The following TOP3A variants were observed in gnomAD, a reference collection of about 807,000 sequenced individuals.
TOP3A encodes DNA topoisomerase III alpha.
TOP3A carries 64 observed loss-of-function variants against 111.3 expected under a neutral mutation model. The ratio of observed to expected loss-of-function variants is 0.57; its 90% CI spans 0.47 to 0.71. The LOEUF (loss-of-function observed/expected upper bound fraction) is 0.71. TOP3A is among the 30% of genes least tolerant of loss of function. TOP3A has a pLI of 0.00. For missense variants in TOP3A, 1,104 were observed against 1,285.0 expected (o/e 0.86, Z 2.15); for synonymous variants, 484 against 485.1 (o/e 1.00, Z 0.03).
intron 9 of TOP3A, among the ~76,000 whole-genome samples, chr17:18,295,055 C>T (rs530985934): frequency 1.3e-5 from 2 of 152,216 alleles, no homozygotes; most frequent in African/African-American, 2.4e-5. Context: ...TGCTATGTTG[C>T]GCAGGCTGAT....
rs540511606 is a variant in TOP3A at position 18,298,327 on chromosome 17, G to C, written c.990+1232C>G. 5.5e-3 allele frequency among the ~76,000 whole-genome samples: 823 copies of C among 150,750 alleles called. 1 individual carries two copies. The highest frequency in any genetic ancestry group is 9.8e-3 in the Non-Finnish European group (664 of 67,812). ...CCCAGCAGCCACCTCGTCCGGCAGG[G>C]AGGTGGGAGGGTCAGCCCCCCGCCC... On this transcript the variant is annotated intron_variant, in intron 9 of 18. Coordinates refer to ENST00000321105, the MANE Select transcript of TOP3A (RefSeq NM_004618.5).
Position 18,277,768 on chromosome 17 carries a change from C to T in TOP3A, c.2734G>A (p.Gly912Arg). 2 of 1,614,242 alleles carry T rather than the reference C, an allele frequency of 1.2e-6. No individual in the cohort carries two copies. Among genetic ancestry groups the T allele is most frequent in the Non-Finnish European group, 1.7e-6 (2 of 1,180,048 alleles). ...TGGAACTGGCGCCCCTTGTTGGGTCCATCCTTCTGCACAGTCCGTGTGACG... is the reference window on the plus strand; with the variant it reads ...TGGAACTGGCGCCCCTTGTTGGGTCTATCCTTCTGCACAGTCCGTGTGACG... ...PSVTRTVQKD[G>R]PNKGRQFHTC... Residue 912 changes from glycine to arginine, a missense_variant, in exon 18 of 19, where the codon GGA becomes AGA. Transcript: ENST00000321105.
Position 18,278,290 on chromosome 17 carries a change from C to A in TOP3A, c.2212G>T (p.Gly738Cys). ...TMPLEFVCCI[G>C]GCDDTLREIL... ...TCCCTCAGGGTGTCGTCGCATCCGC[C>A]GATGCAGCAAACAAACTCCAGAGGC... The change falls in exon 18 of 19, where the codon GGC (glycine) becomes TGC (cysteine). Residue 738 changes from glycine (G) to cysteine (C), a missense_variant. By Grantham distance (159) the Gly-to-Cys change is radical. Coordinates refer to ENST00000321105, the MANE Select transcript of TOP3A (RefSeq NM_004618.5). 1 of 1,525,414 alleles carries A rather than the reference C, an allele frequency of 6.6e-7. No homozygotes were observed. Among genetic ancestry groups the A allele is most frequent in the Non-Finnish European group, 8.8e-7 (1 of 1,136,756 alleles). The allele number at this position is 1,525,414 out of a possible 1,614,324, so 94.5% of individuals were successfully genotyped here. A position where few individuals can be genotyped will look rare whatever the true frequency, so the allele number is the denominator to read the frequency against.
In TOP3A at chr17:18,277,883, G is replaced by C; in HGVS notation, c.2619C>G (p.Cys873Trp). The C allele has an allele frequency of 3.1e-6, 5 of 1,613,952 alleles. No homozygotes were observed. The highest frequency in any genetic ancestry group is 4.2e-6 in the Non-Finnish European group (5 of 1,179,968). ...AYRPLGASLG[C>W]PPGPGIHLGG... ...CTAGGTGGATCCCTGGGCCTGGTGG[G>C]CATCCCAGGGAGGCGCCCAGGGGTC... Residue 873 changes from cysteine to tryptophan, a missense_variant, in exon 18 of 19, where the codon TGC (cysteine) becomes TGG (tryptophan). By Grantham distance (215) the Cys-to-Trp change is radical. Transcript: ENST00000321105.
At position 18,271,619 on chromosome 17, in the gene TOP3A, G is replaced by A; in HGVS notation, c.*3183C>T. On this transcript the variant is annotated 3_prime_UTR_variant, in exon 19 of 19. Transcript: ENST00000321105. Reference sequence around the variant, plus strand: ...GGGTCTGTCTGATCTCAGATGCCTGGCCCAGTCCATGGTGCAGCCCAATCC... The same window carrying A: ...GGGTCTGTCTGATCTCAGATGCCTGACCCAGTCCATGGTGCAGCCCAATCC... The A allele has an allele frequency of 7.1e-6, 2 of 279,752 alleles. No homozygotes were observed. The highest frequency in any genetic ancestry group is 5.3e-5 in the South Asian group (2 of 37,572). The allele number at this position is 279,752 out of a possible 1,614,324, so 17.3% of individuals were successfully genotyped here.
Position 18,301,851 on chromosome 17 carries a change from G to A in TOP3A, c.915+34C>T, listed in dbSNP as rs755124657. 11 of 1,565,544 alleles carry A rather than the reference G, an allele frequency of 7.0e-6. No individual in the cohort carries two copies. The South Asian group carries it at 1.1e-4, about 16-fold the overall frequency. Reference sequence around the variant, plus strand: ...ACAGTGGGAGTGGTTTGGGAGGTGTGCAGAATGTTTCCTAGATCATTAGGG... The same window carrying A: ...ACAGTGGGAGTGGTTTGGGAGGTGTACAGAATGTTTCCTAGATCATTAGGG... On this transcript the variant is annotated intron_variant, in intron 8 of 18. Transcript: ENST00000321105.
chr17:18,293,515 G>A (rs997088072), intron 10 of TOP3A, among the ~76,000 whole-genome samples: 1 of 148,804 alleles, frequency 6.7e-6, no homozygotes, highest in African/African-American at 2.5e-5. Context: ...TTGAACTCCT[G>A]AGCTCAAGTG....
At chr17:18,302,941 T>C (rs1981331120) in intron 5 of TOP3A, 2 of 496,202 alleles carry the variant, frequency 4.0e-6, no homozygotes, top group Non-Finnish European at 7.0e-6. Flanking sequence ...GAAATAGTGA[T>C]GGAGTTAATT....
chr17:18,280,496 A>G (rs1334099496), intron 17 of TOP3A, 40 bp downstream of exon 17: 2 of 1,602,488 alleles, frequency 1.2e-6, no homozygotes, highest in Non-Finnish European at 1.7e-6. Context: ...GATGGTGTAC[A>G]CACTCCAGAG....
intron 16 of TOP3A, among the ~76,000 whole-genome samples, chr17:18,281,276 G>A (rs1979739843): frequency 1.3e-5 from 2 of 152,026 alleles, no homozygotes; most frequent in Non-Finnish European, 2.9e-5. Context: ...GGAAAAAAAA[G>A]CCCCGAACTC....
Position 18,308,437 on chromosome 17 carries a change from A to C in TOP3A, c.241-13T>G, listed in dbSNP as rs1981719689. ...CCATGGTAACATTCTGAATGATGAC[A>C]AAATTCAAAATTCAGTTAGTCTTTT... On this transcript the variant is annotated splice_polypyrimidine_tract_variant and intron_variant, in intron 2 of 18. Transcript: ENST00000321105. The C allele has an allele frequency of 6.5e-7, 1 of 1,548,724 alleles. No homozygotes were observed. Among genetic ancestry groups the C allele is most frequent in the Non-Finnish European group, 8.8e-7 (1 of 1,131,196 alleles).
rs573949257 is a variant in TOP3A, at chr17:18,272,020, C to T, written c.*2782G>A. On this transcript the variant is annotated 3_prime_UTR_variant, in exon 19 of 19. Transcript: ENST00000321105. ...GGCAGAGGTTGCAGTGAGCCAAGAT[C>T]GCACCACTGCACTCCAGCCTGGGCA... 5.3e-5 allele frequency among the ~76,000 whole-genome samples: 8 copies of T among 151,918 alleles called. No individual in the cohort carries two copies. The highest frequency in any genetic ancestry group is 2.1e-4 in the South Asian group (1 of 4,790).
rs1433406884 is a variant in TOP3A at position 18,277,663 on chromosome 17, T to C, written c.2827+12A>G. The C allele has an allele frequency of 6.3e-7, 1 of 1,594,692 alleles. No homozygotes were observed. The highest frequency in any genetic ancestry group is 8.6e-7 in the Non-Finnish European group (1 of 1,165,096). The stretch of plus-strand genomic sequence containing the variant: ...CTGAAGGCAGGGATTCCCATGCCCC[T>C]CCCTGCCTCACCTGGAGCGGTGTTC... On this transcript the variant is annotated intron_variant, in intron 18 of 18. Coordinates refer to ENST00000321105, the MANE Select transcript of TOP3A (RefSeq NM_004618.5).
intron 7 of TOP3A, 70 bp downstream of exon 7, chr17:18,302,194 A>G: frequency 6.6e-7 from 1 of 1,518,236 alleles, no homozygotes; most frequent in Non-Finnish European, 8.9e-7. Flanking sequence ...AGTGCTATTA[A>G]TGCTCACAGT....
intron 5 of TOP3A, 138 bp from the exon 6 acceptor site, chr17:18,302,861 G>A: frequency 1.0e-6 from 1 of 966,020 alleles, no homozygotes; most frequent in East Asian, 2.7e-5. Context: ...TTACCTATTA[G>A]GTTAAATCAA....
Position 18,294,699 on chromosome 17 carries a change from T to TCCCA in TOP3A, c.1073+3_1073+4insTGGG. The TCCCA allele has an allele frequency of 6.2e-7, 1 of 1,607,854 alleles. No individual in the cohort carries two copies. Among genetic ancestry groups the TCCCA allele is most frequent in the Non-Finnish European group, 8.5e-7 (1 of 1,174,484 alleles). Reference sequence around the variant, plus strand: ...AATTCTACTCCCAAACCCAAAATACTTACCCTTGAGTGTAGAGCTTCTCAG... The same window carrying TCCCA: ...AATTCTACTCCCAAACCCAAAATACTCCCATACCCTTGAGTGTAGAGCTTCTCAG... On this transcript the variant is annotated splice_donor_region_variant and intron_variant, in intron 10 of 18. Coordinates refer to ENST00000321105, the MANE Select transcript of TOP3A (RefSeq NM_004618.5).
intron 13 of TOP3A, 99 bp from the exon 14 acceptor site, chr17:18,285,619 T>A: frequency 1.0e-6 from 1 of 952,602 alleles, no homozygotes; most frequent in Non-Finnish European, 1.6e-6. Context: ...CTCCTTTGCC[T>A]GGACAGCCTA....
intron 9 of TOP3A, among the ~76,000 whole-genome samples, chr17:18,298,932 C>A (rs1276404675): frequency 6.6e-6 from 1 of 150,866 alleles, no homozygotes; most frequent in African/African-American, 2.5e-5. Flanking sequence ...GCCGCAGGGT[C>A]CTCTGCCTAG....
At chr17:18,297,216 A>C (rs1376818520) in intron 9 of TOP3A, among the ~76,000 whole-genome samples, 1 of 152,184 alleles carries the variant, frequency 6.6e-6, no homozygotes, top group Admixed American at 6.5e-5. Flanking sequence ...ACCTGAGGTC[A>C]GAAGTTCGAG....
Sources: allele counts gnomAD v4.1 joint callset (sites outside exome capture counted in the v4.1 genomes callset), GRCh38; gene constraint gnomAD v4.1.1; transcripts MANE v1.5; gene names NCBI Gene and HGNC (gene_info 2026-07-23, HGNC 2026-07-21).